The following C8orf34 variants were observed in gnomAD, a reference collection of about 807,000 sequenced individuals.
The protein encoded by C8orf34 is uncharacterized protein C8orf34.
In C8orf34, 65 loss-of-function variants were observed where a neutral mutation model predicts 68.3. The ratio of observed to expected loss-of-function variants is 0.95; its 90% CI spans 0.78 to 1.17. The LOEUF (loss-of-function observed/expected upper bound fraction) is 1.17. Among genes scored for constraint, C8orf34 ranks in the 50% most tolerant of loss-of-function variants. The pLI is 0.00. For missense variants in C8orf34, 664 were observed against 655.4 expected (o/e 1.01, Z -0.14); for synonymous variants, 244 against 241.2 (o/e 1.01, Z -0.11).
At chr8:68,492,941 A>G (rs1195433533) in intron 5 of C8orf34, among the ~76,000 whole-genome samples, 1 of 152,236 alleles carries the variant, frequency 6.6e-6, no homozygotes, top group Non-Finnish European at 1.5e-5. Context: ...CATAGCCTTC[A>G]GGAGGTTACT....
intron 7 of C8orf34, among the ~76,000 whole-genome samples, chr8:68,608,204 A>G (rs1358014881): frequency 1.3e-5 from 2 of 152,162 alleles, no homozygotes; most frequent in African/African-American, 2.4e-5. Context: ...AGCAAAAATT[A>G]TAATACCATG....
intron 5 of C8orf34, among the ~76,000 whole-genome samples, chr8:68,510,991 T>G (rs1198051037): frequency 6.6e-6 from 1 of 152,166 alleles, no homozygotes; most frequent in Non-Finnish European, 1.5e-5. Context: ...GTCTCCCCAG[T>G]GGGCTTATAT....
At chr8:68,762,201 G>C (rs1823043274) in intron 10 of C8orf34, among the ~76,000 whole-genome samples, 1 of 152,150 alleles carries the variant, frequency 6.6e-6, no homozygotes, top group South Asian at 2.1e-4. Flanking sequence ...TCATCTCGGA[G>C]CTTCAAAGAG....
At chr8:68,650,811 C>T (rs1193484475) in intron 8 of C8orf34, among the ~76,000 whole-genome samples, 1 of 152,146 alleles carries the variant, frequency 6.6e-6, no homozygotes, top group African/African-American at 2.4e-5. Context: ...GATGGGTTCC[C>T]TACCTGGCTG....
intron 12 of C8orf34, among the ~76,000 whole-genome samples, chr8:68,796,953 A>C (rs1824196845): frequency 6.6e-6 from 1 of 151,050 alleles, no homozygotes; most frequent in Admixed American, 6.6e-5. Context: ...CAGCCTGCCG[A>C]GTAGCTGGGA....
intron 4 of C8orf34, among the ~76,000 whole-genome samples, chr8:68,481,346 T>C (rs968978041): frequency 1.0e-4 from 8 of 79,546 alleles, no homozygotes; most frequent in Non-Finnish European, 7.2e-5. Flanking sequence ...GGGGCCCTCA[T>C]GGATAACTCT....
intron 8 of C8orf34, among the ~76,000 whole-genome samples, chr8:68,663,083 A>G (rs1484381496): frequency 2.0e-5 from 3 of 152,242 alleles, no homozygotes; most frequent in Non-Finnish European, 4.4e-5. Flanking sequence ...TGTACCAGAA[A>G]GAGAGGGATA....
At chr8:68,498,793 T>A (rs557216275) in intron 5 of C8orf34, among the ~76,000 whole-genome samples, 1 of 152,360 alleles carries the variant, frequency 6.6e-6, no homozygotes, top group African/African-American at 2.4e-5. Flanking sequence ...ATGCACATTC[T>A]AGTGGCTGTC....
At chr8:68,601,143 C>T (rs1817686265) in intron 7 of C8orf34, among the ~76,000 whole-genome samples, 1 of 152,164 alleles carries the variant, frequency 6.6e-6, no homozygotes, top group Non-Finnish European at 1.5e-5. Flanking sequence ...CCCTATAAAT[C>T]ATGCGCTGTT....
At position 68,386,623 on chromosome 8, in the gene C8orf34, A is replaced by G. The variant is rs116230369; in HGVS notation, c.328-52876A>G. 6.7e-3 allele frequency among the ~76,000 whole-genome samples: 1,021 copies of G among 152,294 alleles called. 11 individuals are homozygous for G. The highest frequency in any genetic ancestry group is 0.023 in the African/African-American group (944 of 41,570). On this transcript the variant is annotated intron_variant, in intron 1 of 13. Transcript: ENST00000518698. ...AAGAAGCTGTCCTTGGGTAACTGCT[A>G]GTTCTGCTTAGATCTGTGTTATGAT...
At chr8:68,391,679 T>G (rs1032692255) in intron 1 of C8orf34, among the ~76,000 whole-genome samples, 3 of 152,204 alleles carry the variant, frequency 2.0e-5, no homozygotes, top group Non-Finnish European at 4.4e-5. Flanking sequence ...TCTCAGTAGC[T>G]TAAACCACAA....
chr8:68,512,954 G>T (rs979572314), intron 5 of C8orf34, among the ~76,000 whole-genome samples: 25 of 152,208 alleles, frequency 1.6e-4, no homozygotes, highest in Non-Finnish European at 2.9e-4. Flanking sequence ...TGCAGCCAAG[G>T]TTTGACTCCA....
chr8:68,696,429 T>C (rs2130921718), intron 8 of C8orf34, among the ~76,000 whole-genome samples: 1 of 150,814 alleles, frequency 6.6e-6, no homozygotes, highest in Non-Finnish European at 1.5e-5. Flanking sequence ...TTATTACCGG[T>C]CCTTTACTGT....
At chr8:68,468,032 T>A (rs1425982669) in intron 3 of C8orf34, among the ~76,000 whole-genome samples, 1 of 152,056 alleles carries the variant, frequency 6.6e-6, no homozygotes, top group Non-Finnish European at 1.5e-5. Context: ...TCTCCTGGAT[T>A]GAAGCTTTAA....
chr8:68,763,557 T>C (rs981371633), intron 10 of C8orf34, among the ~76,000 whole-genome samples: 1 of 152,178 alleles, frequency 6.6e-6, no homozygotes, highest in African/African-American at 2.4e-5. Context: ...CTCTACTTCA[T>C]ATTCATACTC....
At chr8:68,791,188 T>G in intron 12 of C8orf34, 1 of 405,580 alleles carries the variant, frequency 2.5e-6, no homozygotes, top group Admixed American at 4.2e-5. Context: ...GTTCCCCATG[T>G]CTGGGGAGGC....
At chr8:68,603,429 A>G (rs1234331577) in intron 7 of C8orf34, among the ~76,000 whole-genome samples, 1 of 152,032 alleles carries the variant, frequency 6.6e-6, no homozygotes, top group Non-Finnish European at 1.5e-5. Flanking sequence ...CCCAAACTGA[A>G]ATAATCCAGT....
intron 12 of C8orf34, among the ~76,000 whole-genome samples, chr8:68,788,203 G>T (rs1823897216): frequency 6.6e-6 from 1 of 152,162 alleles, no homozygotes; most frequent in South Asian, 2.1e-4. Flanking sequence ...AATAACAATT[G>T]TATGTGATAA....
At chr8:68,806,219 C>A (rs1824478575) in intron 12 of C8orf34, among the ~76,000 whole-genome samples, 1 of 151,870 alleles carries the variant, frequency 6.6e-6, no homozygotes, top group African/African-American at 2.4e-5. Flanking sequence ...TTAAATATTG[C>A]CAATATCCAT....
Sources: gnomAD v4.1 joint callset for allele counts (sites outside exome capture counted in the v4.1 genomes callset) on GRCh38, gnomAD v4.1.1 for gene constraint, MANE v1.5 for transcripts, NCBI Gene and HGNC (gene_info 2026-07-23, HGNC 2026-07-21) for gene names.